Variants in ULK4 observed in about 807,000 individuals in gnomAD.
ULK4 encodes inactive serine/threonine-protein kinase ULK4.
In ULK4, 133 loss-of-function variants were observed where a neutral mutation model predicts 160.6. The ratio of observed to expected loss-of-function variants is 0.83; its 90% CI spans 0.72 to 0.96. The LOEUF (loss-of-function observed/expected upper bound fraction) is 0.96, where lower values mean the gene tolerates loss of function less well. Ranked by LOEUF, ULK4 falls within the 40% of genes least tolerant of loss-of-function variation. The pLI is 0.00. For synonymous variants in ULK4, 534 were observed against 539.8 expected, an observed-to-expected ratio of 0.99 and a Z score of 0.15; for missense variants, 1,580 against 1,499.5, an observed-to-expected ratio of 1.05 and a Z score of -0.89.
At chr3:41,659,771 T>G (rs1371774765) in intron 30 of ULK4, among the ~76,000 whole-genome samples, 1 of 152,026 alleles carries the variant, frequency 6.6e-6, no homozygotes, top group Non-Finnish European at 1.5e-5. Flanking sequence ...AAATAACACA[T>G]TTATGAGAGT....
At chr3:41,754,237 A>T in intron 22 of ULK4, 124 bp downstream of exon 22, 1 of 1,078,210 alleles carries the variant, frequency 9.3e-7, no homozygotes, top group Non-Finnish European at 1.3e-6. Flanking sequence ...GTGAAATATT[A>T]AGCCCCTGGA....
chr3:41,584,579 G>C (rs967812103), intron 31 of ULK4, among the ~76,000 whole-genome samples: 2 of 152,114 alleles, frequency 1.3e-5, no homozygotes, highest in South Asian at 2.1e-4. Flanking sequence ...GAGCTACCAT[G>C]CCTGGCCAAG....
intron 30 of ULK4, among the ~76,000 whole-genome samples, chr3:41,647,838 G>A (rs1468164791): frequency 7.5e-6 from 1 of 132,604 alleles, no homozygotes; most frequent in African/African-American, 2.5e-5. Flanking sequence ...TTGAGCTGTG[G>A]TGGGCTCCAC....
intron 32 of ULK4, among the ~76,000 whole-genome samples, chr3:41,477,864 G>A (rs1292135400): frequency 3.3e-5 from 5 of 152,182 alleles, no homozygotes; most frequent in Admixed American, 3.3e-4. Context: ...ACATCTATGA[G>A]GTTAAACATT....
rs772642353 is a variant in ULK4 at position 41,896,818 on chromosome 3, T to A, written c.1530+4A>T. ...AATGCATAAGGCATGTCACACAGGC[T>A]TACCAGGGGGGAATGGAGGAGCCTG... is the stretch of plus-strand genomic sequence containing the variant. On this transcript the variant is annotated splice_donor_region_variant and intron_variant, in intron 15 of 36. Coordinates refer to ENST00000301831, the MANE Select transcript of ULK4 (RefSeq NM_017886.4). The A allele has an allele frequency of 6.2e-7, 1 of 1,610,378 alleles. No homozygotes were observed. The highest frequency in any genetic ancestry group is 8.5e-7 in the Non-Finnish European group (1 of 1,178,874).
intron 32 of ULK4, among the ~76,000 whole-genome samples, chr3:41,529,823 T>C (rs2086241573): frequency 6.6e-6 from 1 of 152,226 alleles, no homozygotes. Context: ...AGATTATTTT[T>C]GCCTTTTCTA....
chr3:41,797,188 C>CA (rs143259276), intron 20 of ULK4, among the ~76,000 whole-genome samples: 20,150 of 141,300 alleles, frequency 0.14, 3,257 homozygotes, highest in African/African-American at 0.4. Context: ...ATGATCAATG[C>CA]AAAAAAAAAA....
chr3:41,569,948 T>TA (rs1455733173), intron 31 of ULK4, among the ~76,000 whole-genome samples: 6 of 152,174 alleles, frequency 3.9e-5, no homozygotes, highest in Non-Finnish European at 8.8e-5. Flanking sequence ...GCAGAAGCAT[T>TA]AAGCGCCAGT....
At chr3:41,741,887 G>A (rs1392311537) in intron 22 of ULK4, among the ~76,000 whole-genome samples, 1 of 151,840 alleles carries the variant, frequency 6.6e-6, no homozygotes, top group Non-Finnish European at 1.5e-5. Context: ...ATAGCAGTAA[G>A]TCTCCTTCCC....
rs756097821 is a variant in ULK4, at chr3:41,750,973, AGAGAG to A, written c.2321+3383_2321+3387del. Among the ~76,000 whole-genome samples, 83 of 124,152 alleles carry A rather than the reference AGAGAG, an allele frequency of 6.7e-4. 1 individual carries two copies. The highest frequency in any genetic ancestry group is 2.4e-3 in the African/African-American group (66 of 27,568). 81.4% of individuals were successfully genotyped at this position (124,152 alleles called of 152,430 possible). ...TGAGACTCCACCTCAAAAAAAAAAA[AGAGAG>A]AGAGAGAAAGAGAGAGAGAGAGGAA... On this transcript the variant is annotated intron_variant, in intron 22 of 36. Coordinates refer to ENST00000301831, the MANE Select transcript of ULK4 (RefSeq NM_017886.4).
chr3:41,775,989 C>T (rs1255340869), intron 21 of ULK4, among the ~76,000 whole-genome samples: 1 of 150,574 alleles, frequency 6.6e-6, no homozygotes. Context: ...ATAATTTTTC[C>T]AAATTTCTTT....
At chr3:41,361,248 G>A (rs1468042636) in intron 35 of ULK4, among the ~76,000 whole-genome samples, 3 of 152,174 alleles carry the variant, frequency 2.0e-5, no homozygotes, top group Non-Finnish European at 4.4e-5. Context: ...AGTGACATAT[G>A]AAGGTCATCA....
At chr3:41,695,763 T>G (rs753746919) in intron 27 of ULK4, among the ~76,000 whole-genome samples, 2 of 152,148 alleles carry the variant, frequency 1.3e-5, no homozygotes, top group Admixed American at 6.5e-5. Flanking sequence ...CAACAAGAGT[T>G]ATACTAGATC....
At chr3:41,896,729 T>C (rs1231772045) in intron 15 of ULK4, 93 bp downstream of exon 15, 17 of 1,379,570 alleles carry the variant, frequency 1.2e-5, no homozygotes, top group Non-Finnish European at 1.6e-5. Context: ...TCAGTTTTTT[T>C]GTGGTAGTTA....
At chr3:41,642,165 C>T (rs932243515) in intron 30 of ULK4, among the ~76,000 whole-genome samples, 7 of 151,944 alleles carry the variant, frequency 4.6e-5, no homozygotes, top group African/African-American at 1.5e-4. Context: ...TGACCCACTG[C>T]GCCCAGCCAA....
At chr3:41,628,591 G>C (rs1259891112) in intron 30 of ULK4, among the ~76,000 whole-genome samples, 2 of 152,156 alleles carry the variant, frequency 1.3e-5, no homozygotes, top group Non-Finnish European at 2.9e-5. Context: ...GACAAGAAAA[G>C]GCTGAGGAAC....
intron 19 of ULK4, among the ~76,000 whole-genome samples, chr3:41,803,208 G>A (rs1419632692): frequency 1.3e-5 from 2 of 151,236 alleles, no homozygotes; most frequent in Non-Finnish European, 2.9e-5. Flanking sequence ...GTCCATAAAG[G>A]TGATATAAAG....
At chr3:41,539,302 T>C (rs557823702) in intron 32 of ULK4, among the ~76,000 whole-genome samples, 1 of 152,258 alleles carries the variant, frequency 6.6e-6, no homozygotes, top group East Asian at 1.9e-4. Context: ...CATGTCTATG[T>C]TCCAAGAAAA....
chr3:41,465,719 A>G (rs1310770195), intron 32 of ULK4, among the ~76,000 whole-genome samples: 4 of 152,198 alleles, frequency 2.6e-5, no homozygotes, highest in Non-Finnish European at 5.9e-5. Flanking sequence ...TTCAGGTTCA[A>G]TTCCTTTGGC....
Sources: gnomAD v4.1 joint callset for allele counts (sites outside exome capture counted in the v4.1 genomes callset) on GRCh38, gnomAD v4.1.1 for gene constraint, MANE v1.5 for transcripts, NCBI Gene and HGNC (gene_info 2026-07-23, HGNC 2026-07-21) for gene names.